The following PDCD6IP variants were observed in gnomAD, a reference collection of about 807,000 sequenced individuals.
PDCD6IP encodes the protein programmed cell death 6 interacting protein.
PDCD6IP carries 43 observed loss-of-function variants against 103.7 expected under a neutral mutation model. The ratio of observed to expected loss-of-function variants is 0.41; its 90% CI spans 0.32 to 0.53. The LOEUF is 0.53. PDCD6IP is among the 20% of genes least tolerant of loss of function. PDCD6IP has a pLI of 0.16. For missense variants in PDCD6IP, 871 were observed against 1,036.7 expected (o/e 0.84, Z 2.20); for synonymous variants, 354 against 378.7 (o/e 0.93, Z 0.76).
chr3:33,844,300 C>T (rs1697543650), intron 11 of PDCD6IP, 77 bp downstream of exon 11: 1 of 721,200 alleles, frequency 1.4e-6, no homozygotes. Context: ...TTAAATTAGG[C>T]TCAGTTGTAA....
Position 33,828,984 on chromosome 3 carries a change from A to T in PDCD6IP, c.834+15A>T. On this transcript the variant is annotated intron_variant, in intron 7 of 17. Transcript: ENST00000307296. ...CAAGGTTACAGGTGAGTCTCTTGGT[A>T]ATAAATATTTAAGTAACTAACTTGG... is the stretch of plus-strand genomic sequence containing the variant. 1 of 1,560,808 alleles carries T rather than the reference A, an allele frequency of 6.4e-7. No individual in the cohort carries two copies.
chr3:33,801,786 A>G (rs1696481502), intron 1 of PDCD6IP, among the ~76,000 whole-genome samples: 3 of 152,204 alleles, frequency 2.0e-5, no homozygotes, highest in Admixed American at 2.0e-4. Context: ...TTTTATTTGA[A>G]GCTCCAGATA....
At chr3:33,824,779 T>C (rs1697074938) in intron 4 of PDCD6IP, among the ~76,000 whole-genome samples, 1 of 152,174 alleles carries the variant, frequency 6.6e-6, no homozygotes, top group African/African-American at 2.4e-5. Context: ...ACCTGGGGTG[T>C]CCCCTAACTA....
At chr3:33,854,581 G>T (rs1267518367) in intron 14 of PDCD6IP, 2 of 152,118 alleles carry the variant, frequency 1.3e-5, no homozygotes, top group African/African-American at 2.4e-5. Context: ...ATTCCTTTTG[G>T]TACTTAACTT....
At chr3:33,800,660 T>G (rs143055364) in intron 1 of PDCD6IP, among the ~76,000 whole-genome samples, 2 of 152,360 alleles carry the variant, frequency 1.3e-5, no homozygotes, top group African/African-American at 4.8e-5. Context: ...TTCTTTAGAA[T>G]TAACATAATT....
At chr3:33,865,606 GCTATTTC>G (rs1698047050) in intron 17 of PDCD6IP, among the ~76,000 whole-genome samples, 176 bp downstream of exon 17, 1 of 152,190 alleles carries the variant, frequency 6.6e-6, no homozygotes, top group Non-Finnish European at 1.5e-5. Context: ...GAATAGGATA[GCTATTTC>G]CTAGGCTTTT....
At chr3:33,837,065 C>T (rs1254697092) in intron 8 of PDCD6IP, among the ~76,000 whole-genome samples, 2 of 151,760 alleles carry the variant, frequency 1.3e-5, no homozygotes, top group Non-Finnish European at 2.9e-5. Context: ...GGACTACAGG[C>T]GCCTGCCACC....
chr3:33,867,375 A>G lies in PDCD6IP; in HGVS notation c.*850A>G, dbSNP rs1047073951. ...GTAATAATTCTTGCATTTTTTCCCC[A>G]TAACCTGGTTAAAATAAATACGCCA... On this transcript the variant is annotated 3_prime_UTR_variant, in exon 18 of 18. Transcript: ENST00000307296. The G allele has an allele frequency of 6.6e-6, 1 of 152,170 alleles. No homozygotes were observed. Among genetic ancestry groups the G allele is most frequent in the South Asian group, 2.1e-4 (1 of 4,832 alleles). 9.4% of individuals were successfully genotyped at this position (152,170 alleles called of 1,614,324 possible).
chr3:33,840,198 TAATA>T (rs901176914), intron 9 of PDCD6IP, among the ~76,000 whole-genome samples: 11 of 152,142 alleles, frequency 7.2e-5, no homozygotes, highest in African/African-American at 2.4e-4. Context: ...TATATTCTTA[TAATA>T]AATAAGCTAG....
chr3:33,810,596 A>G (rs1476983629), intron 1 of PDCD6IP, among the ~76,000 whole-genome samples: 2 of 152,234 alleles, frequency 1.3e-5, no homozygotes, highest in South Asian at 2.1e-4. Flanking sequence ...TAGGAAATAC[A>G]TAGTTACACA....
At chr3:33,822,217 T>G in intron 4 of PDCD6IP, 135 bp downstream of exon 4, 3 of 872,002 alleles carry the variant, frequency 3.4e-6, no homozygotes, top group Non-Finnish European at 5.3e-6. Context: ...TAAAATGAAT[T>G]TATTCTTACT....
intron 1 of PDCD6IP, among the ~76,000 whole-genome samples, chr3:33,807,749 T>A (rs1696629625): frequency 6.6e-6 from 1 of 152,206 alleles, no homozygotes; most frequent in Admixed American, 6.5e-5. Context: ...TGGCCCAACC[T>A]AGGCAAAAAA....
chr3:33,809,928 A>G (rs951412356), intron 1 of PDCD6IP, among the ~76,000 whole-genome samples: 7 of 152,194 alleles, frequency 4.6e-5, no homozygotes, highest in African/African-American at 1.4e-4. Flanking sequence ...TGTTCTTTCT[A>G]GTGCATATCA....
rs1697578680 is a variant in PDCD6IP, at chr3:33,845,726, T to C, written c.1641+138T>C. On this transcript the variant is annotated intron_variant, in intron 12 of 17. Transcript: ENST00000307296. ...TAAATTGGGGTTGTTATATTTAAAGTAGTATATAGACTGTGTAATAGATAA... is the reference window on the plus strand; with the variant it reads ...TAAATTGGGGTTGTTATATTTAAAGCAGTATATAGACTGTGTAATAGATAA... 1.6e-5 allele frequency: 10 copies of C among 619,942 alleles called. No homozygotes were observed. The East Asian group carries it at 2.8e-4, about 17-fold the overall frequency. The allele number at this position is 619,942 out of a possible 1,614,324, so 38.4% of individuals were successfully genotyped here.
At chr3:33,834,382 G>C (rs1044171367) in intron 7 of PDCD6IP, among the ~76,000 whole-genome samples, 11 of 152,184 alleles carry the variant, frequency 7.2e-5, no homozygotes, top group Non-Finnish European at 5.9e-5. Flanking sequence ...TCTGGTACTA[G>C]TGTTTGCTAT....
intron 11 of PDCD6IP, 39 bp downstream of exon 11, chr3:33,844,262 C>T: frequency 8.6e-7 from 1 of 1,166,508 alleles, no homozygotes. Context: ...TGAATAAATT[C>T]CCAATTTCGA....
intron 10 of PDCD6IP, among the ~76,000 whole-genome samples, chr3:33,842,838 A>T (rs996277234): frequency 2.0e-5 from 3 of 152,208 alleles, no homozygotes; most frequent in Non-Finnish European, 2.9e-5. Context: ...CTGTTCCAAG[A>T]TCCAGTACAG....
chr3:33,814,337 G>A (rs1226804993), intron 3 of PDCD6IP, among the ~76,000 whole-genome samples: 6 of 151,802 alleles, frequency 4.0e-5, no homozygotes, highest in Non-Finnish European at 7.4e-5. Flanking sequence ...GTTTCACCAT[G>A]TTGGCCAGGC....
intron 4 of PDCD6IP, among the ~76,000 whole-genome samples, chr3:33,823,058 ATTAC>A (rs1697030149): frequency 6.6e-6 from 1 of 152,128 alleles, no homozygotes; most frequent in Non-Finnish European, 1.5e-5. Flanking sequence ...GTCATTTTAT[ATTAC>A]TTTCTAATTT....
Sources: gnomAD v4.1 joint callset for allele counts (sites outside exome capture counted in the v4.1 genomes callset) on GRCh38, gnomAD v4.1.1 for gene constraint, MANE v1.5 for transcripts, NCBI Gene and HGNC (gene_info 2026-07-23, HGNC 2026-07-21) for gene names.